PCDH15: variants seen among roughly 807,000 people sequenced by gnomAD.
PCDH15 encodes protocadherin-15.
Under a neutral mutation model 178.5 loss-of-function variants are expected in PCDH15, and 129 were observed. The observed-to-expected ratio is 0.72, with a 90% CI of 0.63 to 0.84. PCDH15 has a LOEUF of 0.84. Among genes scored for constraint, PCDH15 ranks in the 40% least tolerant of loss-of-function variants. The probability of loss-of-function intolerance (pLI) is 0.00; values close to 1 mark genes in which losing one functional copy is unlikely to be tolerated. For missense variants in PCDH15, 2,230 were observed against 2,099.9 expected (o/e 1.06, Z -1.21); for synonymous variants, 800 against 732.0 (o/e 1.09, Z -1.50).
intron 20 of PCDH15, among the ~76,000 whole-genome samples, chr10:53,999,144 A>G (rs574944774): frequency 6.6e-6 from 1 of 152,130 alleles, no homozygotes; most frequent in South Asian, 2.1e-4. Flanking sequence ...AGACACAGAC[A>G]GTATAAGCCA....
chr10:53,813,776 G>A (rs1341631348), intron 35 of PCDH15, among the ~76,000 whole-genome samples: 2 of 151,996 alleles, frequency 1.3e-5, no homozygotes, highest in African/African-American at 2.4e-5. Context: ...AGGTACCAAC[G>A]AAATATATTA....
chr10:54,197,921 A>T (rs2049839210), intron 10 of PCDH15, among the ~76,000 whole-genome samples: 1 of 152,168 alleles, frequency 6.6e-6, no homozygotes, highest in South Asian at 2.1e-4. Flanking sequence ...CTTATATTTG[A>T]TTTTTAATAT....
intron 2 of PCDH15, among the ~76,000 whole-genome samples, chr10:54,613,852 T>C (rs1223093648): frequency 1.3e-5 from 2 of 151,708 alleles, no homozygotes; most frequent in Admixed American, 6.6e-5. Context: ...TAATCCAAAT[T>C]TGTTAGCTCC....
At chr10:54,026,724 T>G (rs148631569) in intron 18 of PCDH15, among the ~76,000 whole-genome samples, 2 of 152,156 alleles carry the variant, frequency 1.3e-5, no homozygotes, top group Admixed American at 6.5e-5. Context: ...AAAAAGCGTT[T>G]GACAAAATTC....
At chr10:54,514,518 A>G (rs969628212) in intron 3 of PCDH15, among the ~76,000 whole-genome samples, 2 of 152,076 alleles carry the variant, frequency 1.3e-5, no homozygotes, top group African/African-American at 4.8e-5. Context: ...AAAAAAATGA[A>G]AGCAAGGAGT....
chr10:55,180,440 C>A (rs75631258), intron 1 of PCDH15, among the ~76,000 whole-genome samples: 2 of 152,144 alleles, frequency 1.3e-5, no homozygotes, highest in East Asian at 1.9e-4. Flanking sequence ...AAGGTAGAAG[C>A]AAATTTATTG....
At chr10:53,821,099 TCAA>T (rs1236558437) in intron 32 of PCDH15, 2 of 978,904 alleles carry the variant, frequency 2.0e-6, no homozygotes, top group Non-Finnish European at 2.4e-6. Flanking sequence ...CTTACAAAAG[TCAA>T]CGACTCAAGA....
At chr10:54,573,949 T>C (rs7099165) in intron 2 of PCDH15, among the ~76,000 whole-genome samples, 142,401 of 152,162 alleles carry the variant, frequency 0.94, 66,913 homozygotes, top group Middle Eastern at 0.98. Context: ...GAGTAGGTTG[T>C]GAAAATTTTC....
chr10:55,357,777 T>C, intron 2 of PCDH15, among the ~76,000 whole-genome samples: 1 of 152,060 alleles, frequency 6.6e-6, no homozygotes, highest in Non-Finnish European at 1.5e-5. Context: ...CTTTTGGTGG[T>C]ATTTGTCTGA....
rs554055025 is a variant in PCDH15 at position 55,415,622 on chromosome 10, A to G, written c.-156+212003T>C. Among the ~76,000 whole-genome samples, 19 of 151,822 alleles carry G rather than the reference A, an allele frequency of 1.3e-4. No individual in the cohort carries two copies. In the South Asian group the frequency reaches 3.1e-3, roughly 25 times the overall value. ...AAATCACTAATTTTCAAGTTAGATCATATTAAGGGTTTGGATACCAGGATG... is the reference window on the plus strand; with the variant it reads ...AAATCACTAATTTTCAAGTTAGATCGTATTAAGGGTTTGGATACCAGGATG... On this transcript the variant is annotated intron_variant, in intron 2 of 5. Transcript: ENST00000613346.
At chr10:55,408,321 G>T (rs1838251863) in intron 2 of PCDH15, among the ~76,000 whole-genome samples, 1 of 152,018 alleles carries the variant, frequency 6.6e-6, no homozygotes, top group African/African-American at 2.4e-5. Context: ...GAGTAGCTGA[G>T]ACTACAGGCA....
intron 2 of PCDH15, among the ~76,000 whole-genome samples, chr10:55,084,508 A>T (rs1842117602): frequency 6.6e-6 from 1 of 150,968 alleles, no homozygotes; most frequent in Non-Finnish European, 1.5e-5. Context: ...TCCAGGACAT[A>T]GATCAAGGCA....
chr10:53,887,903 A>C (rs10763018), intron 26 of PCDH15, among the ~76,000 whole-genome samples: 79,447 of 151,812 alleles, frequency 0.52, 22,518 homozygotes, highest in Middle Eastern at 0.69. Flanking sequence ...AAATAAAAAT[A>C]AAAAACAAAA....
intron 2 of PCDH15, among the ~76,000 whole-genome samples, chr10:54,538,455 T>A (rs1356447237): frequency 1.3e-5 from 2 of 152,216 alleles, no homozygotes; most frequent in Admixed American, 1.3e-4. Context: ...CTCTTTTCTG[T>A]TTCATTGGTC....
intron 14 of PCDH15, among the ~76,000 whole-genome samples, chr10:54,141,586 T>C (rs1210552772): frequency 1.3e-5 from 2 of 152,196 alleles, no homozygotes; most frequent in Non-Finnish European, 1.5e-5. Flanking sequence ...GGGCTGTTTT[T>C]TTAAGAAAAA....
At chr10:54,091,931 AG>A (rs2094606449) in intron 15 of PCDH15, among the ~76,000 whole-genome samples, 1 of 152,144 alleles carries the variant, frequency 6.6e-6, no homozygotes, top group African/African-American at 2.4e-5. Context: ...TCTCTAGGCT[AG>A]CCCTTTCCTC....
Position 55,506,439 on chromosome 10 carries a change from G to A in PCDH15, c.-156+121186C>T, listed in dbSNP as rs1189884918. Among the ~76,000 whole-genome samples, 5 of 151,552 alleles carry A rather than the reference G, an allele frequency of 3.3e-5. No individual in the cohort carries two copies. In the East Asian group the frequency reaches 5.8e-4, roughly 18 times the overall value. On this transcript the variant is annotated intron_variant, in intron 2 of 5. Transcript: ENST00000613346. ...GTTGGATAATACTATTTGTGTGTGT[G>A]GGAACTCTGTCATCTACCTAGAAGA...
At chr10:55,521,516 G>C (rs972417593) in intron 2 of PCDH15, among the ~76,000 whole-genome samples, 1 of 151,228 alleles carries the variant, frequency 6.6e-6, no homozygotes, top group African/African-American at 2.4e-5. Context: ...CTTATAATAG[G>C]GTCATATCCA....
intron 8 of PCDH15, among the ~76,000 whole-genome samples, chr10:54,268,102 T>G (rs1011832832): frequency 6.6e-6 from 1 of 151,614 alleles, no homozygotes; most frequent in African/African-American, 2.4e-5. Context: ...TGGAACAGAA[T>G]AGAGAATCCA....
Sources: allele counts gnomAD v4.1 joint callset (sites outside exome capture counted in the v4.1 genomes callset), GRCh38; gene constraint gnomAD v4.1.1; transcripts MANE v1.5; gene names NCBI Gene and HGNC (gene_info 2026-07-23, HGNC 2026-07-21).